Variants in MBOAT1 observed in about 807,000 individuals in gnomAD.
MBOAT1 encodes the protein membrane-bound glycerophospholipid O-acyltransferase 1.
In MBOAT1, 67 loss-of-function variants were observed where a neutral mutation model predicts 64.4. The ratio of observed to expected loss-of-function variants is 1.04; its 90% confidence interval spans 0.85 to 1.27. The LOEUF is 1.27. Among genes scored for constraint, MBOAT1 ranks in the 50% most tolerant of loss-of-function variants. The probability of loss-of-function intolerance (pLI) is 0.00; values close to 1 mark genes in which losing one functional copy is unlikely to be tolerated. For missense variants in MBOAT1, 563 were observed against 604.6 expected (o/e 0.93, Z 0.72); for synonymous variants, 229 against 218.9 (o/e 1.05, Z -0.41).
chr6:20,211,799 G>A (rs962847678), intron 1 of MBOAT1, among the ~76,000 whole-genome samples: 2 of 152,118 alleles, frequency 1.3e-5, no homozygotes, highest in East Asian at 1.9e-4. Context: ...GGACACTGAT[G>A]AAAGAAACAC....
At position 20,200,665 on chromosome 6, in the gene MBOAT1, T is replaced by C. The variant is rs114357151; in HGVS notation, c.99+11471A>G. Among the ~76,000 whole-genome samples, 430 of 152,108 alleles carry C rather than the reference T, an allele frequency of 2.8e-3. 3 individuals are homozygous for C. The highest frequency in any genetic ancestry group is 9.9e-3 in the African/African-American group (409 of 41,492). Reference sequence around the variant, plus strand: ...AGCTCATTGCTCTTCCCCTCATGGGTCCCACTGTAAGTAGCACTCCGGAGT... The same window carrying C: ...AGCTCATTGCTCTTCCCCTCATGGGCCCCACTGTAAGTAGCACTCCGGAGT... On this transcript the variant is annotated intron_variant, in intron 1 of 12. Coordinates refer to ENST00000324607, the MANE Select transcript of MBOAT1 (RefSeq NM_001080480.3).
chr6:20,135,967 C>T (rs532598436), intron 4 of MBOAT1, among the ~76,000 whole-genome samples: 5 of 152,252 alleles, frequency 3.3e-5, no homozygotes, highest in Non-Finnish European at 4.4e-5. Flanking sequence ...GACCTGGTAG[C>T]GAGGGACAGA....
chr6:20,207,505 A>G (rs1437335783), intron 1 of MBOAT1, among the ~76,000 whole-genome samples: 2 of 152,210 alleles, frequency 1.3e-5, no homozygotes, highest in Admixed American at 1.3e-4. Flanking sequence ...TATCATGCCA[A>G]ATCCAGCCCA....
intron 1 of MBOAT1, among the ~76,000 whole-genome samples, chr6:20,154,737 A>C (rs1369239911): frequency 6.6e-6 from 1 of 152,190 alleles, no homozygotes; most frequent in East Asian, 1.9e-4. Context: ...GAACACACAC[A>C]AACACAAAAT....
chr6:20,105,448 A>G (rs1016448048), intron 12 of MBOAT1, among the ~76,000 whole-genome samples: 1 of 152,184 alleles, frequency 6.6e-6, no homozygotes, highest in Non-Finnish European at 1.5e-5. Context: ...GGAGTTTGCC[A>G]TCTACGAAAG....
At chr6:20,115,184 G>A (rs1760283168) in intron 10 of MBOAT1, 104 bp downstream of exon 10, 1 of 823,270 alleles carries the variant, frequency 1.2e-6, no homozygotes. Flanking sequence ...AAACAAGAGT[G>A]TCAGATGACA....
At chr6:20,189,218 C>T (rs1192351372) in intron 1 of MBOAT1, among the ~76,000 whole-genome samples, 2 of 152,184 alleles carry the variant, frequency 1.3e-5, no homozygotes, top group African/African-American at 2.4e-5. Context: ...CTGGCTCCTT[C>T]TGAAGGATAA....
chr6:20,163,300 C>A (rs1011933640), intron 1 of MBOAT1, among the ~76,000 whole-genome samples: 1 of 152,176 alleles, frequency 6.6e-6, no homozygotes, highest in East Asian at 1.9e-4. Context: ...TTACTCCTCA[C>A]CTCTGGAAAG....
chr6:20,148,401 G>C (rs768291777), intron 3 of MBOAT1, among the ~76,000 whole-genome samples: 15 of 152,146 alleles, frequency 9.9e-5, no homozygotes, highest in Admixed American at 2.6e-4. Context: ...CTGGGCAACA[G>C]AGTGAGGTTC....
intron 1 of MBOAT1, among the ~76,000 whole-genome samples, chr6:20,172,384 G>C (rs1440929418): frequency 6.6e-6 from 1 of 151,940 alleles, no homozygotes; most frequent in African/African-American, 2.4e-5. Flanking sequence ...AGCCATGATC[G>C]CACCACCTCA....
At chr6:20,123,417 T>C (rs1760551251) in intron 8 of MBOAT1, among the ~76,000 whole-genome samples, 1 of 152,192 alleles carries the variant, frequency 6.6e-6, no homozygotes, top group South Asian at 2.1e-4. Flanking sequence ...AGGGCTTCCG[T>C]ACTTTATCAA....
intron 3 of MBOAT1, among the ~76,000 whole-genome samples, chr6:20,149,433 T>C (rs1761426047): frequency 2.6e-5 from 4 of 152,286 alleles, no homozygotes; most frequent in African/African-American, 9.6e-5. Context: ...TGCTATACAG[T>C]TGCACCAACA....
Position 20,196,886 on chromosome 6 carries a change from A to C in MBOAT1, c.99+15250T>G, listed in dbSNP as rs113515838. Among the ~76,000 whole-genome samples the C allele has an allele frequency of 4.0e-3, 608 of 152,064 alleles. 3 individuals are homozygous for C. Among genetic ancestry groups the C allele is most frequent in the African/African-American group, 8.5e-3 (351 of 41,410 alleles). On this transcript the variant is annotated intron_variant, in intron 1 of 12. Transcript: ENST00000324607. ...TCAAAAAAAAAAACAAACAAACAAAAAAAAAACTGAACTGTACACTTTAAA... is the reference window on the plus strand; with the variant it reads ...TCAAAAAAAAAAACAAACAAACAAACAAAAAACTGAACTGTACACTTTAAA...
intron 4 of MBOAT1, among the ~76,000 whole-genome samples, 167 bp from the exon 5 acceptor site, chr6:20,131,366 C>G (rs1019938226): frequency 5.3e-5 from 8 of 152,198 alleles, no homozygotes; most frequent in Non-Finnish European, 1.0e-4. Flanking sequence ...TACCTCCATG[C>G]TGTTCTCGTG....
At chr6:20,111,400 C>T (rs950697469) in intron 11 of MBOAT1, among the ~76,000 whole-genome samples, 5 of 152,062 alleles carry the variant, frequency 3.3e-5, no homozygotes, top group Admixed American at 6.6e-5. Flanking sequence ...TTCTAGGGCC[C>T]GAAGACACTT....
At chr6:20,106,607 A>G (rs1670486646) in intron 12 of MBOAT1, among the ~76,000 whole-genome samples, 2 of 152,126 alleles carry the variant, frequency 1.3e-5, no homozygotes, top group African/African-American at 4.8e-5. Context: ...TATAATTAGT[A>G]CAGACAGGGT....
At chr6:20,138,968 T>C (rs1418107943) in intron 4 of MBOAT1, among the ~76,000 whole-genome samples, 1 of 152,174 alleles carries the variant, frequency 6.6e-6, no homozygotes, top group Non-Finnish European at 1.5e-5. Context: ...GGCTTGCGTC[T>C]GCATTACTCC....
At chr6:20,146,791 G>A (rs527985099) in intron 3 of MBOAT1, among the ~76,000 whole-genome samples, 1 of 152,306 alleles carries the variant, frequency 6.6e-6, no homozygotes, top group African/African-American at 2.4e-5. Context: ...ACCAAGTGCT[G>A]AGTCCCAATA....
chr6:20,103,255 G>A (rs1445307713), intron 12 of MBOAT1, among the ~76,000 whole-genome samples: 2 of 152,150 alleles, frequency 1.3e-5, no homozygotes, highest in African/African-American at 4.8e-5. Flanking sequence ...CAGTGATATT[G>A]ATGATCCTGA....
Sources: gnomAD v4.1 joint callset for allele counts (sites outside exome capture counted in the v4.1 genomes callset) on GRCh38, gnomAD v4.1.1 for gene constraint, MANE v1.5 for transcripts, NCBI Gene and HGNC (gene_info 2026-07-23, HGNC 2026-07-21) for gene names.